The following AHI1 variants were observed in gnomAD, a reference collection of about 807,000 sequenced individuals.
AHI1 encodes the protein Abelson helper integration site 1, also known as jouberin.
In AHI1, 123 loss-of-function variants were observed where a neutral mutation model predicts 149.3. The ratio of observed to expected loss-of-function variants is 0.82; its 90% CI spans 0.71 to 0.96. The LOEUF (loss-of-function observed/expected upper bound fraction) is 0.96, where lower values mean the gene tolerates loss of function less well. AHI1 is among the 40% of genes least tolerant of loss of function. The pLI is 0.00. For synonymous variants in AHI1, 475 were observed against 459.8 expected (o/e 1.03, Z -0.42); for missense variants, 1,439 against 1,422.7 (o/e 1.01, Z -0.18).
chr6:135,358,290 A>C, intron 23 of AHI1, 103 bp from the exon 24 acceptor site: 1 of 980,050 alleles, frequency 1.0e-6, no homozygotes, highest in Admixed American at 2.1e-5. Context: ...TATGACTCAC[A>C]CAGCTTCCAA....
At chr6:135,360,164 T>C (rs1793633799) in intron 23 of AHI1, among the ~76,000 whole-genome samples, 1 of 152,216 alleles carries the variant, frequency 6.6e-6, no homozygotes, top group African/African-American at 2.4e-5. Flanking sequence ...TGTATTTGTA[T>C]CTCATTTCAC....
intron 15 of AHI1, among the ~76,000 whole-genome samples, 161 bp from the exon 16 acceptor site, chr6:135,433,417 A>G (rs1312588059): frequency 6.6e-6 from 1 of 152,116 alleles, no homozygotes; most frequent in African/African-American, 2.4e-5. Context: ...TGATGATCTC[A>G]TATTTGATGA....
At chr6:135,433,652 A>G (rs1191797687) in intron 15 of AHI1, among the ~76,000 whole-genome samples, 1 of 152,154 alleles carries the variant, frequency 6.6e-6, no homozygotes, top group Non-Finnish European at 1.5e-5. Context: ...GGTTGTGTAT[A>G]CCACTTTTAC....
At chr6:135,373,044 T>C (rs1324869434) in intron 23 of AHI1, among the ~76,000 whole-genome samples, 1 of 152,230 alleles carries the variant, frequency 6.6e-6, no homozygotes, top group Admixed American at 6.5e-5. Context: ...GTTAGGTGTA[T>C]TAGTCATCAG....
chr6:135,420,714 GT>G (rs1207420718), intron 20 of AHI1, among the ~76,000 whole-genome samples: 1 of 152,152 alleles, frequency 6.6e-6, no homozygotes, highest in Non-Finnish European at 1.5e-5. Flanking sequence ...GCATAAGGGG[GT>G]ACTGTGGCTG....
chr6:135,380,768 CAAG>C (rs1776652239), intron 23 of AHI1, among the ~76,000 whole-genome samples: 3 of 59,370 alleles, frequency 5.1e-5, no homozygotes, highest in Admixed American at 2.5e-4. Context: ...AAAGTTAAAA[CAAG>C]AAGGGATTTA....
chr6:135,314,270 A>G (rs1217528563), intron 26 of AHI1, among the ~76,000 whole-genome samples: 1 of 152,222 alleles, frequency 6.6e-6, no homozygotes, highest in Non-Finnish European at 1.5e-5. Context: ...TTATAATGAG[A>G]GACACAAAAA....
At chr6:135,377,118 T>A (rs978259943) in intron 23 of AHI1, among the ~76,000 whole-genome samples, 1 of 152,032 alleles carries the variant, frequency 6.6e-6, no homozygotes, top group Admixed American at 6.6e-5. Flanking sequence ...GTTTATTAGA[T>A]TAGAATCTTG....
intron 28 of AHI1, 47 bp from the exon 29 acceptor site, chr6:135,285,694 T>C: frequency 6.6e-7 from 1 of 1,518,674 alleles, no homozygotes; most frequent in Non-Finnish European, 9.0e-7. Context: ...TTGAATAATG[T>C]CTTCTGACTA....
intron 5 of AHI1, among the ~76,000 whole-genome samples, chr6:135,480,208 G>A (rs1793398956): frequency 6.6e-6 from 1 of 152,110 alleles, no homozygotes; most frequent in South Asian, 2.1e-4. Context: ...GCCTGTAATT[G>A]CACTTTGGGA....
rs991452157 is a variant in AHI1, at chr6:135,463,313, A to G, written c.750-7T>C. 6.3e-7 allele frequency: 1 copy of G among 1,588,968 alleles called. No individual in the cohort carries two copies. The highest frequency in any genetic ancestry group is 1.4e-5 in the African/African-American group (1 of 73,692). The stretch of plus-strand genomic sequence containing the variant: ...ACCAGAGATGGTCAATGTACTACAA[A>G]TATAATCCAAGTATCAGCCATTACA... On this transcript the variant is annotated splice_polypyrimidine_tract_variant and splice_region_variant and intron_variant, in intron 7 of 28. Coordinates refer to ENST00000265602, the MANE Select transcript of AHI1 (RefSeq NM_001134831.2).
intron 5 of AHI1, among the ~76,000 whole-genome samples, chr6:135,486,576 T>C (rs879757321): frequency 2.0e-5 from 3 of 152,144 alleles, no homozygotes; most frequent in Non-Finnish European, 4.4e-5. Flanking sequence ...TTAATTTCAA[T>C]GTGTTCATAT....
intron 23 of AHI1, among the ~76,000 whole-genome samples, chr6:135,381,833 C>T (rs1334324632): frequency 6.6e-6 from 1 of 152,202 alleles, no homozygotes; most frequent in Non-Finnish European, 1.5e-5. Flanking sequence ...TGAGGGCTTT[C>T]ATCTTCCATT....
chr6:135,355,318 T>C (rs1792779909), intron 24 of AHI1, among the ~76,000 whole-genome samples: 1 of 149,114 alleles, frequency 6.7e-6, no homozygotes, highest in Non-Finnish European at 1.5e-5. Flanking sequence ...ATTAAAGGTA[T>C]CTCAAAAAAA....
intron 20 of AHI1, among the ~76,000 whole-genome samples, chr6:135,419,943 TCA>T (rs1217175778): frequency 7.9e-5 from 12 of 152,280 alleles, no homozygotes; most frequent in African/African-American, 2.9e-4. Flanking sequence ...TCAACAATGT[TCA>T]CAGCGTCTTC....
At chr6:135,403,792 T>G (rs984504841) in intron 22 of AHI1, among the ~76,000 whole-genome samples, 1 of 152,128 alleles carries the variant, frequency 6.6e-6, no homozygotes, top group African/African-American at 2.4e-5. Flanking sequence ...CTTGTTCTCT[T>G]TTCCCCCCTC....
rs188576860 is a variant in AHI1, at chr6:135,378,988, A to T, written c.3109+15788T>A. Among the ~76,000 whole-genome samples the T allele has an allele frequency of 5.3e-5, 8 of 152,246 alleles. No individual in the cohort carries two copies. The East Asian group carries it at 1.3e-3, about 26-fold the overall frequency. On this transcript the variant is annotated intron_variant, in intron 23 of 28. Transcript: ENST00000265602. ...ATCTCATTAACTCCCATGGGCTCAA[A>T]TACCACACATATACCAATGACTCCT...
intron 20 of AHI1, among the ~76,000 whole-genome samples, chr6:135,420,358 A>C (rs1285791057): frequency 1.3e-5 from 2 of 152,166 alleles, no homozygotes; most frequent in East Asian, 3.8e-4. Context: ...TAAGACGTGA[A>C]AGTCAAAATT....
chr6:135,404,153 T>A (rs765603316), intron 22 of AHI1, among the ~76,000 whole-genome samples: 1 of 152,212 alleles, frequency 6.6e-6, no homozygotes, highest in African/African-American at 2.4e-5. Context: ...GTTAAATGAA[T>A]AGACGTCTAA....
Sources: gnomAD v4.1 joint callset for allele counts (sites outside exome capture counted in the v4.1 genomes callset) on GRCh38, gnomAD v4.1.1 for gene constraint, MANE v1.5 for transcripts, NCBI Gene and HGNC (gene_info 2026-07-23, HGNC 2026-07-21) for gene names.